The following SCN1A variants were observed in gnomAD, a reference collection of about 807,000 sequenced individuals.
The protein encoded by SCN1A is sodium voltage-gated channel alpha subunit 1.
A neutral mutation model predicts 193.7 loss-of-function variants in SCN1A; 13 were observed. That is an observed-to-expected ratio of 0.07 (90% confidence interval 0.04 to 0.11). The LOEUF (loss-of-function observed/expected upper bound fraction) is 0.11, where lower values mean the gene tolerates loss of function less well. SCN1A is among the 10% of genes least tolerant of loss of function. The pLI, the probability that SCN1A is intolerant of heterozygous loss-of-function variation, is 1.00. For synonymous variants in SCN1A, 781 were observed against 843.6 expected, an observed-to-expected ratio of 0.93 and a Z score of 1.29; for missense variants, 1,432 against 2,451.1, an observed-to-expected ratio of 0.58 and a Z score of 8.78.
chr2:166,146,376 A>G (rs184568308), intron 1 of SCN1A, among the ~76,000 whole-genome samples: 1 of 150,850 alleles, frequency 6.6e-6, no homozygotes, highest in African/African-American at 2.4e-5. Flanking sequence ...TTCCAAAAGG[A>G]TAAATGATAT....
intron 23 of SCN1A, chr2:166,009,412 AC>A (rs1692106950): frequency 9.7e-6 from 2 of 207,188 alleles, no homozygotes; most frequent in Non-Finnish European, 2.0e-5. Flanking sequence ...TTATATCATT[AC>A]ACATAGTACT....
intron 2 of SCN1A, among the ~76,000 whole-genome samples, chr2:166,117,540 A>G (rs1689998287): frequency 6.6e-6 from 1 of 152,198 alleles, no homozygotes; most frequent in Admixed American, 6.5e-5. Flanking sequence ...TGTTAAGGCT[A>G]GGGGTTTCAT....
chr2:165,996,617 G>A (rs1026016111), intron 26 of SCN1A, among the ~76,000 whole-genome samples: 1 of 151,480 alleles, frequency 6.6e-6, no homozygotes, highest in Non-Finnish European at 1.5e-5. Flanking sequence ...GGATGAGTTA[G>A]TGAGAGATTT....
In SCN1A at chr2:166,045,176, G is replaced by A. The variant is rs1225688046; in HGVS notation, c.1529C>T (p.Ser510Phe). Residue 510 changes from serine to phenylalanine, a missense_variant, in exon 13 of 29, where the codon TCT (serine) becomes TTT (phenylalanine). Physicochemically the swap from Ser to Phe is radical, Grantham distance 155. This residue lies in a region of SCN1A where 316 missense variants were observed against 362.1 expected (regional missense o/e 0.87). Transcript: ENST00000674923. ...RRKKRKQKEQ[S>F]GGEEKDEDEF... ...ATCCTCATCTTTCTCTTCCCCACCA[G>A]ACTGCTCTTTCTGTTTTCTTTTCTT... is the stretch of plus-strand genomic sequence containing the variant. 6.2e-7 allele frequency: 1 copy of A among 1,614,036 alleles called. No homozygotes were observed. The highest frequency in any genetic ancestry group is 1.7e-5 in the Admixed American group (1 of 60,008).
chr2:166,060,675 TG>T (rs1252102382), intron 4 of SCN1A: 1 of 152,072 alleles, frequency 6.6e-6, no homozygotes, highest in Admixed American at 6.6e-5. Context: ...CTGGCCAACA[TG>T]GTGAAACCCC....
chr2:166,036,758 A>G (rs1243546417), intron 18 of SCN1A, among the ~76,000 whole-genome samples: 1 of 152,194 alleles, frequency 6.6e-6, no homozygotes, highest in Non-Finnish European at 1.5e-5. Context: ...AAGTTCTCCC[A>G]TTCGTAAAGT....
At chr2:165,993,844 T>G (rs1689629495) in intron 28 of SCN1A, 1 of 453,674 alleles carries the variant, frequency 2.2e-6, no homozygotes, top group African/African-American at 2.0e-5. Flanking sequence ...GATACTATAT[T>G]GGTTCTTCAA....
rs13383628 is a variant in SCN1A, at chr2:166,047,150, T to C, written c.1171-174A>G. On this transcript the variant is annotated intron_variant, in intron 11 of 28. Coordinates refer to ENST00000674923, the MANE Select transcript of SCN1A (RefSeq NM_001165963.4). ...TTTAACTTCAGCTTCTTCCTTCTCT[T>C]CTAGCTTATGCATTCACACTATGAT... Among the ~76,000 whole-genome samples the C allele has an allele frequency of 0.49, 73,901 of 151,804 alleles. 18,650 individuals are homozygous for C. Among genetic ancestry groups the C allele is most frequent in the East Asian group, 0.56 (2,868 of 5,146 alleles).
intron 4 of SCN1A, among the ~76,000 whole-genome samples, chr2:166,070,943 G>C (rs889799100): frequency 1.6e-4 from 24 of 152,280 alleles, no homozygotes; most frequent in African/African-American, 5.8e-4. Context: ...TAGATGCTGG[G>C]TGGCTTTAAT....
chr2:166,058,084 C>G (rs761514808), intron 5 of SCN1A, among the ~76,000 whole-genome samples: 2 of 152,096 alleles, frequency 1.3e-5, no homozygotes, highest in Non-Finnish European at 2.9e-5. Context: ...TAACTAAGTA[C>G]TGGCCAAAGA....
intron 19 of SCN1A, among the ~76,000 whole-genome samples, chr2:166,018,459 C>T (rs762367209): frequency 9.2e-5 from 14 of 151,944 alleles, no homozygotes; most frequent in Non-Finnish European, 1.8e-4. Flanking sequence ...ATCAACAGTT[C>T]AATAAGTTTT....
intron 4 of SCN1A, chr2:166,072,008 C>T (rs1684480555): frequency 1.3e-5 from 2 of 152,088 alleles, no homozygotes; most frequent in East Asian, 1.9e-4. Flanking sequence ...TCCTCCGAAA[C>T]TGTAGCTGTC....
At chr2:166,102,756 C>A (rs960457470) in intron 2 of SCN1A, among the ~76,000 whole-genome samples, 3 of 152,086 alleles carry the variant, frequency 2.0e-5, no homozygotes, top group African/African-American at 4.8e-5. Flanking sequence ...CGCATATGTT[C>A]ATTGCAGCAC....
chr2:166,044,711 G>A (rs937870281), intron 13 of SCN1A, among the ~76,000 whole-genome samples: 1 of 93,216 alleles, frequency 1.1e-5, no homozygotes, highest in Non-Finnish European at 2.1e-5. Context: ...TCGACTATCC[G>A]GAGTTCCACA....
intron 11 of SCN1A, among the ~76,000 whole-genome samples, chr2:166,047,399 C>T (rs1215227543): frequency 6.6e-6 from 1 of 151,988 alleles, no homozygotes; most frequent in Non-Finnish European, 1.5e-5. Flanking sequence ...CAATCTGTGT[C>T]TGAGAAGGGT....
rs1422284356 is a variant in SCN1A at position 166,039,535 on chromosome 2, T to C, written c.2477A>G (p.Tyr826Cys). The C allele has an allele frequency of 1.2e-5, 20 of 1,613,654 alleles. No homozygotes were observed. The highest frequency in any genetic ancestry group is 2.7e-5 in the African/African-American group (2 of 74,816). Residue 826 changes from tyrosine (Y) to cysteine (C), a missense_variant, in exon 17 of 29, where the codon TAT (tyrosine) becomes TGT (cysteine). Coordinates refer to ENST00000674923, the MANE Select transcript of SCN1A (RefSeq NM_001165963.4). ...GATATTCCAGCCTTCTTGGAAATAA[T>C]AGTAAGGATCCATGGCAATAATTTT... Reference protein sequence around the residue: ...FLKIIAMDPYYYFQEGWNIFD... With the variant: ...FLKIIAMDPYCYFQEGWNIFD...
At chr2:166,041,506 G>C in intron 15 of SCN1A, 37 bp from the exon 16 acceptor site, 1 of 1,301,476 alleles carries the variant, frequency 7.7e-7, no homozygotes, top group Non-Finnish European at 1.1e-6. Context: ...ACCACCAAAA[G>C]GTATACTTTA....
intron 4 of SCN1A, among the ~76,000 whole-genome samples, chr2:166,067,237 C>T (rs1399422678): frequency 6.6e-6 from 1 of 152,016 alleles, no homozygotes; most frequent in East Asian, 1.9e-4. Flanking sequence ...CCTTTGTCAC[C>T]TCCCTGTCTC....
At chr2:166,105,947 G>A (rs1365826141) in intron 2 of SCN1A, among the ~76,000 whole-genome samples, 1 of 152,212 alleles carries the variant, frequency 6.6e-6, no homozygotes, top group Non-Finnish European at 1.5e-5. Flanking sequence ...CAGCACTTTG[G>A]GAGGCCGAGG....
Sources: allele counts gnomAD v4.1 joint callset (sites outside exome capture counted in the v4.1 genomes callset), GRCh38; gene constraint gnomAD v4.1.1; regional missense constraint gnomAD v4.1.1; transcripts MANE v1.5; gene names NCBI Gene and HGNC (gene_info 2026-07-23, HGNC 2026-07-21).